TMOD3: variants seen among roughly 807,000 people sequenced by gnomAD.
The protein encoded by TMOD3 is tropomodulin-3.
Under a neutral mutation model 39.2 loss-of-function variants are expected in TMOD3, and 20 were observed. The observed-to-expected ratio is 0.51, with a 90% CI of 0.36 to 0.74. The LOEUF is 0.74. Among genes scored for constraint, TMOD3 ranks in the 30% least tolerant of loss-of-function variants. The pLI is 0.00. For synonymous variants in TMOD3, 143 were observed against 145.8 expected (o/e 0.98, Z 0.14); for missense variants, 381 against 412.8 (o/e 0.92, Z 0.67).
At chr15:51,856,576 C>A (rs1202544779) in intron 1 of TMOD3, among the ~76,000 whole-genome samples, 3 of 149,712 alleles carry the variant, frequency 2.0e-5, no homozygotes, top group Admixed American at 6.7e-5. Context: ...AGATTTGTTA[C>A]ATATAACCAA....
chr15:51,869,309 G>A lies in TMOD3; in HGVS notation c.219G>A (p.Leu73=). 1 of 1,614,078 alleles carries A rather than the reference G, an allele frequency of 6.2e-7. No homozygotes were observed. The highest frequency in any genetic ancestry group is 8.5e-7 in the Non-Finnish European group (1 of 1,180,002). The change falls in exon 3 of 10, where the codon CTG becomes CTA. Residue 73 remains leucine, a synonymous_variant. Transcript: ENST00000308580. ...ATAGAGAGCATCTCCTTTCATATCT[G>A]GAGAAAGAAGCATTGGAGCATAAAG... The part of the protein sequence containing the change: ...PFDREHLLSY[L]EKEALEHKDR...
In TMOD3 at chr15:51,850,880, C is replaced by T. The variant is rs575462984; in HGVS notation, c.-74-11931C>T. Among the ~76,000 whole-genome samples the T allele has an allele frequency of 7.9e-5, 12 of 152,180 alleles. No individual in the cohort carries two copies. The South Asian group carries it at 8.3e-4, about 11-fold the overall frequency. On this transcript the variant is annotated intron_variant, in intron 1 of 9. Coordinates refer to ENST00000308580, the MANE Select transcript of TMOD3 (RefSeq NM_014547.5). ...GCCTCCTCAGCTGGGATTATAGGCA[C>T]GCGCCACCACGCTCAGTTAATTTTT... is the stretch of plus-strand genomic sequence containing the variant.
At chr15:51,843,072 A>G (rs758677813) in intron 1 of TMOD3, among the ~76,000 whole-genome samples, 16 of 152,154 alleles carry the variant, frequency 1.1e-4, no homozygotes, top group South Asian at 2.1e-4. Context: ...GTGGTGAGCA[A>G]TGGGGCTAGA....
Position 51,890,337 on chromosome 15 carries a change from A to ATT in TMOD3, c.496+1210_496+1211dup, listed in dbSNP as rs34989450. On this transcript the variant is annotated intron_variant, in intron 5 of 9. Transcript: ENST00000308580. Reference sequence around the variant, plus strand: ...AGGTGCACGCCACCTTGTCCAGCTAATTTTTTTTTTTTTTTTTTTAGTAGA... The same window carrying ATT: ...AGGTGCACGCCACCTTGTCCAGCTAATTTTTTTTTTTTTTTTTTTTTAGTAGA... Among the ~76,000 whole-genome samples, 231 of 128,218 alleles carry ATT rather than the reference A, an allele frequency of 1.8e-3. 1 individual carries two copies. Among genetic ancestry groups the ATT allele is most frequent in the Middle Eastern group, 7.8e-3 (2 of 256 alleles). The allele number at this position is 128,218 out of a possible 152,430, so 84.1% of individuals were successfully genotyped here.
In TMOD3 at chr15:51,887,699, T is replaced by A. The variant is rs769802021; in HGVS notation, c.394T>A (p.Cys132Ser). 6.2e-7 allele frequency: 1 copy of A among 1,613,498 alleles called. No individual in the cohort carries two copies. Among genetic ancestry groups the A allele is most frequent in the South Asian group, 1.1e-5 (1 of 90,850 alleles). Residue 132 changes from cysteine (C) to serine (S), a missense_variant, in exon 4 of 10, where the codon TGT (cysteine) becomes AGT (serine). Coordinates refer to ENST00000308580, the MANE Select transcript of TMOD3 (RefSeq NM_014547.5). Reference protein sequence around the residue: ...ALTSASDTELCDLAAILGMHN... With the variant: ...ALTSASDTELSDLAAILGMHN... ...GACAAGTGCTTCTGATACAGAATTG[T>A]GTGACCTCGCAGGTATCACCTAAAA...
intron 9 of TMOD3, among the ~76,000 whole-genome samples, chr15:51,902,957 T>A (rs1410645140): frequency 6.8e-6 from 1 of 146,574 alleles, no homozygotes; most frequent in Admixed American, 6.8e-5. Flanking sequence ...GGCCAATTTT[T>A]GTATTTTTAG....
chr15:51,894,742 TACGCTGCAG>T (rs2056612348), intron 6 of TMOD3, among the ~76,000 whole-genome samples: 2 of 152,230 alleles, frequency 1.3e-5, no homozygotes, highest in African/African-American at 4.8e-5. Flanking sequence ...GTGTGTCAGA[TACGCTGCAG>T]TTTGTTTATC....
chr15:51,887,844 C>A, intron 4 of TMOD3, 133 bp downstream of exon 4: 2 of 1,158,998 alleles, frequency 1.7e-6, no homozygotes, highest in Non-Finnish European at 2.4e-6. Flanking sequence ...ACATATTTGG[C>A]TTTATATTTT....
intron 5 of TMOD3, among the ~76,000 whole-genome samples, chr15:51,891,898 C>G (rs2056595431): frequency 6.6e-6 from 1 of 152,162 alleles, no homozygotes; most frequent in African/African-American, 2.4e-5. Flanking sequence ...TCTAACGCAG[C>G]CTCTCAGAAC....
chr15:51,892,329 C>T (rs1328831965), intron 5 of TMOD3: 1 of 130,916 alleles, frequency 7.6e-6, no homozygotes, highest in African/African-American at 2.6e-5. Flanking sequence ...AATGTTTTCC[C>T]CAGAAAATGT....
chr15:51,845,851 T>G (rs575516206), intron 1 of TMOD3, among the ~76,000 whole-genome samples: 89 of 152,204 alleles, frequency 5.8e-4, no homozygotes, highest in Non-Finnish European at 1.1e-3. Flanking sequence ...TGTCACAGTT[T>G]GTTATAGAGC....
intron 1 of TMOD3, among the ~76,000 whole-genome samples, chr15:51,857,431 A>T (rs1026224208): frequency 6.6e-6 from 1 of 152,162 alleles, no homozygotes. Flanking sequence ...AGGAGAAGCA[A>T]TGTATTGGAG....
chr15:51,899,431 C>T (rs1240860567), intron 7 of TMOD3, among the ~76,000 whole-genome samples: 1 of 152,024 alleles, frequency 6.6e-6, no homozygotes, highest in Non-Finnish European at 1.5e-5. Flanking sequence ...TTGGGGAAGC[C>T]GAGGTGGGTG....
intron 1 of TMOD3, among the ~76,000 whole-genome samples, chr15:51,839,165 C>CTTTTTTTTTTT (rs60102349): frequency 4.6e-5 from 5 of 108,962 alleles, no homozygotes; most frequent in African/African-American, 1.5e-4. Context: ...GTGTATCTCT[C>CTTTTTTTTTTT]TTTTTTTTTT....
At chr15:51,908,130 A>G (rs1419993724) in intron 9 of TMOD3, among the ~76,000 whole-genome samples, 1 of 152,236 alleles carries the variant, frequency 6.6e-6, no homozygotes, top group Non-Finnish European at 1.5e-5. Flanking sequence ...TTTACAGCCT[A>G]AGGAAATACA....
At chr15:51,902,750 C>G (rs1267764857) in intron 9 of TMOD3, among the ~76,000 whole-genome samples, 1 of 149,814 alleles carries the variant, frequency 6.7e-6, no homozygotes, top group Non-Finnish European at 1.5e-5. Context: ...CCCAGGTTCA[C>G]GCCATTCTCC....
intron 4 of TMOD3, 51 bp from the exon 5 acceptor site, chr15:51,889,005 A>G (rs766084319): frequency 5.6e-6 from 7 of 1,240,418 alleles, no homozygotes; most frequent in Non-Finnish European, 8.0e-6. Context: ...TTTTAGTTGT[A>G]AAACTCTTCA....
intron 1 of TMOD3, among the ~76,000 whole-genome samples, chr15:51,845,946 G>T (rs2056333430): frequency 6.6e-6 from 1 of 152,086 alleles, no homozygotes; most frequent in African/African-American, 2.4e-5. Context: ...GGGAGCTTCA[G>T]TTATATAATC....
chr15:51,873,083 T>G (rs1162209961), intron 3 of TMOD3, among the ~76,000 whole-genome samples: 1 of 152,212 alleles, frequency 6.6e-6, no homozygotes, highest in East Asian at 1.9e-4. Context: ...AAATCCACCC[T>G]AGACTCTCAT....
Sources: allele counts gnomAD v4.1 joint callset (sites outside exome capture counted in the v4.1 genomes callset), GRCh38; gene constraint gnomAD v4.1.1; transcripts MANE v1.5; gene names NCBI Gene and HGNC (gene_info 2026-07-23, HGNC 2026-07-21).